The following DENND4C variants were observed in gnomAD, a reference collection of about 807,000 sequenced individuals.
DENND4C encodes DENN domain-containing protein 4C.
A neutral mutation model predicts 203.0 loss-of-function variants in DENND4C; 108 were observed. The observed-to-expected ratio is 0.53, with a 90% CI of 0.46 to 0.62. The LOEUF is 0.62. Among genes scored for constraint, DENND4C ranks in the 20% least tolerant of loss-of-function variants. The pLI is 0.00. For missense variants in DENND4C, 2,481 were observed against 2,301.2 expected (o/e 1.08, Z -1.60); for synonymous variants, 871 against 792.4 (o/e 1.10, Z -1.67).
At chr9:19,325,883 G>A (rs1817710703) in intron 13 of DENND4C, 56 bp from the exon 14 acceptor site, 9 of 1,511,076 alleles carry the variant, frequency 6.0e-6, no homozygotes, top group Non-Finnish European at 7.2e-6. Context: ...AGATAAAAAT[G>A]TCTATTAAAT....
chr9:19,272,915 A>G (rs1331481268), intron 1 of DENND4C, among the ~76,000 whole-genome samples: 1 of 136,224 alleles, frequency 7.3e-6, no homozygotes, highest in Non-Finnish European at 1.5e-5. Context: ...TTTCAGGCAC[A>G]TGCCACTACG....
At chr9:19,349,861 A>G (rs938740239) in intron 23 of DENND4C, among the ~76,000 whole-genome samples, 1 of 152,206 alleles carries the variant, frequency 6.6e-6, no homozygotes, top group Non-Finnish European at 1.5e-5. Context: ...GAAAAACAAT[A>G]TTCTAATTTG....
At chr9:19,367,291 A>G (rs559542734) in intron 30 of DENND4C, among the ~76,000 whole-genome samples, 1 of 152,258 alleles carries the variant, frequency 6.6e-6, no homozygotes. Flanking sequence ...CAGCTCCTCA[A>G]AATGGCAAAC....
Position 19,276,220 on chromosome 9 carries a change from GC to G in DENND4C, c.47del (p.Ala16ValfsTer14). On this transcript the variant is annotated frameshift_variant, in exon 2 of 33. Transcript: ENST00000434457. LOFTEE classifies it high-confidence loss of function. ...GPRVTDYFVV[A>X]GLTDTSTLLD... The stretch of plus-strand genomic sequence containing the variant: ...AAGAGTGACAGACTACTTTGTCGTA[GC>G]TGGTCTCACTGACACATCTACTCTT... The G allele has an allele frequency of 8.1e-7, 1 of 1,232,104 alleles. No homozygotes were observed. Among genetic ancestry groups the G allele is most frequent in the Non-Finnish European group, 1.0e-6 (1 of 987,936 alleles). 76.3% of individuals were successfully genotyped at this position (1,232,104 alleles called of 1,614,324 possible). A position where few individuals can be genotyped will look rare whatever the true frequency, so the allele number is the denominator to read the frequency against.
chr9:19,290,152 G>C (rs1182005066), intron 4 of DENND4C, among the ~76,000 whole-genome samples: 1 of 152,142 alleles, frequency 6.6e-6, no homozygotes, highest in Non-Finnish European at 1.5e-5. Flanking sequence ...CTTCATTGTG[G>C]TTCTCAAAGT....
chr9:19,319,327 C>CATATATACAT (rs1842401324), intron 12 of DENND4C, among the ~76,000 whole-genome samples: 5 of 97,036 alleles, frequency 5.2e-5, no homozygotes, highest in African/African-American at 1.0e-4. Context: ...CATATATATA[C>CATATATACAT]ATATATATAC....
chr9:19,237,168 G>A (rs1336356000), intron 1 of DENND4C, among the ~76,000 whole-genome samples: 9 of 151,656 alleles, frequency 5.9e-5, no homozygotes, highest in African/African-American at 9.7e-5. Context: ...TTACAGGCGC[G>A]CACCACCACG....
chr9:19,290,006 T>C (rs967281236), intron 4 of DENND4C, among the ~76,000 whole-genome samples: 1 of 152,176 alleles, frequency 6.6e-6, no homozygotes, highest in African/African-American at 2.4e-5. Context: ...TATTTTAGAA[T>C]AGAGAGTTTT....
At chr9:19,356,820 A>C (rs1376826545) in intron 26 of DENND4C, 152 bp from the exon 27 acceptor site, 4 of 665,100 alleles carry the variant, frequency 6.0e-6, no homozygotes, top group Non-Finnish European at 1.0e-5. Flanking sequence ...AGAGAGAGTG[A>C]GAGTGTATTG....
intron 2 of DENND4C, among the ~76,000 whole-genome samples, chr9:19,277,804 C>T (rs1833186485): frequency 6.6e-6 from 1 of 152,072 alleles, no homozygotes; most frequent in African/African-American, 2.4e-5. Context: ...TCCTTAAATA[C>T]CATTTATCAT....
chr9:19,370,140 C>G (rs1234138150), intron 31 of DENND4C, 153 bp downstream of exon 31: 1 of 913,560 alleles, frequency 1.1e-6, no homozygotes, highest in Non-Finnish European at 1.7e-6. Flanking sequence ...ATATACATTC[C>G]TACTTGAACA....
chr9:19,266,275 C>G (rs1830480881), intron 1 of DENND4C, among the ~76,000 whole-genome samples: 1 of 152,134 alleles, frequency 6.6e-6, no homozygotes, highest in African/African-American at 2.4e-5. Flanking sequence ...GGTATTTGTT[C>G]ATATCCTTCA....
At chr9:19,311,498 T>C (rs777847890) in intron 10 of DENND4C, among the ~76,000 whole-genome samples, 10 of 152,202 alleles carry the variant, frequency 6.6e-5, no homozygotes, top group Non-Finnish European at 1.5e-4. Context: ...TTACTACTTG[T>C]TGAGATTTGC....
At chr9:19,364,176 TC>T (rs903187180) in intron 30 of DENND4C, among the ~76,000 whole-genome samples, 65 of 149,692 alleles carry the variant, frequency 4.3e-4, no homozygotes, top group African/African-American at 1.6e-3. Context: ...AAGTGAGACC[TC>T]CCCGCCTTCC....
At chr9:19,269,141 C>T (rs1382507558) in intron 1 of DENND4C, among the ~76,000 whole-genome samples, 2 of 151,834 alleles carry the variant, frequency 1.3e-5, no homozygotes, top group East Asian at 1.9e-4. Flanking sequence ...ATTTTGTCTC[C>T]TCTGACTGTA....
chr9:19,275,866 CA>C (rs1224247641), intron 1 of DENND4C, among the ~76,000 whole-genome samples: 1 of 152,172 alleles, frequency 6.6e-6, no homozygotes, highest in Non-Finnish European at 1.5e-5. Context: ...CTTGGCCCCC[CA>C]AAGTGCTAGG....
At position 19,334,992 on chromosome 9, in the gene DENND4C, G is replaced by T. The variant is rs750464496; in HGVS notation, c.2476G>T (p.Val826Leu). 58 of 1,602,888 alleles carry T rather than the reference G, an allele frequency of 3.6e-5. No individual in the cohort carries two copies. Among genetic ancestry groups the T allele is most frequent in the Non-Finnish European group, 4.8e-5 (57 of 1,176,632 alleles). Residue 826 changes from valine to leucine, a missense_variant, in exon 18 of 33, where the codon GTG becomes TTG. Physicochemically the swap from Val to Leu is conservative, Grantham distance 32. This residue lies in a region of DENND4C where 2,289 missense variants were observed against 2,113.3 expected (regional missense o/e 1.08). Transcript: ENST00000434457. ...TTTTTGTTAGGTGTGCTATCGAGTA[G>T]TGATGCAGCTTTGTGGACTTTGGGG... ...DPLDEVCYRV[V>L]MQLCGLWGHP...
At chr9:19,327,597 C>G (rs1818092609) in intron 15 of DENND4C, among the ~76,000 whole-genome samples, 1 of 151,838 alleles carries the variant, frequency 6.6e-6, no homozygotes, top group African/African-American at 2.4e-5. Flanking sequence ...CAGTGAAAAA[C>G]TGCTTAAATT....
chr9:19,241,632 T>G (rs1305847943), intron 1 of DENND4C, among the ~76,000 whole-genome samples: 1 of 152,178 alleles, frequency 6.6e-6, no homozygotes, highest in East Asian at 1.9e-4. Context: ...CTTCACGTCT[T>G]GTCCTACTGG....
Sources: gnomAD v4.1 joint callset for allele counts (sites outside exome capture counted in the v4.1 genomes callset) on GRCh38, gnomAD v4.1.1 for gene constraint, gnomAD v4.1.1 regional missense constraint, MANE v1.5 for transcripts, NCBI Gene and HGNC (gene_info 2026-07-23, HGNC 2026-07-21) for gene names.